Variants in DYNC1LI2 observed in about 807,000 individuals in gnomAD.
The protein encoded by DYNC1LI2 is cytoplasmic dynein 1 light intermediate chain 2.
Under a neutral mutation model 57.8 loss-of-function variants are expected in DYNC1LI2, and 19 were observed. The ratio of observed to expected loss-of-function variants is 0.33; its 90% confidence interval spans 0.23 to 0.48. The LOEUF (loss-of-function observed/expected upper bound fraction) is 0.48, where lower values mean the gene tolerates loss of function less well. DYNC1LI2 is among the 20% of genes least tolerant of loss of function. The pLI, the probability that DYNC1LI2 is intolerant of heterozygous loss-of-function variation, is 0.99. For synonymous variants in DYNC1LI2, 256 were observed against 233.4 expected (o/e 1.10, Z -0.88); for missense variants, 470 against 604.2 (o/e 0.78, Z 2.33).
chr16:66,724,638 C>T (rs1481374327), intron 12 of DYNC1LI2: 1 of 152,170 alleles, frequency 6.6e-6, no homozygotes, highest in Non-Finnish European at 1.5e-5. Context: ...TTTCAGAGAT[C>T]TCCAAGACAT....
chr16:66,737,975 CTTTT>C (rs1414516463), intron 4 of DYNC1LI2, among the ~76,000 whole-genome samples: 2 of 152,242 alleles, frequency 1.3e-5, no homozygotes, highest in East Asian at 3.9e-4. Context: ...GATCAAAGGC[CTTTT>C]ACTCTCACCA....
chr16:66,730,941 G>A (rs1162863849), intron 7 of DYNC1LI2: 9 of 152,256 alleles, frequency 5.9e-5, no homozygotes, highest in African/African-American at 1.4e-4. Context: ...TTGAACTCGA[G>A]CAGCTCTGAA....
At chr16:66,750,755 A>C (rs1755397612) in intron 2 of DYNC1LI2, among the ~76,000 whole-genome samples, 1 of 152,100 alleles carries the variant, frequency 6.6e-6, no homozygotes, top group Non-Finnish European at 1.5e-5. Flanking sequence ...GTGAGGCCAG[A>C]GGGAGTAAGG....
chr16:66,725,605 A>T (rs1051213461), intron 12 of DYNC1LI2, among the ~76,000 whole-genome samples: 1 of 152,218 alleles, frequency 6.6e-6, no homozygotes, highest in Non-Finnish European at 1.5e-5. Context: ...GTTCCCGAGA[A>T]CCCAAATGTA....
chr16:66,743,821 AATC>A (rs2017884947), intron 3 of DYNC1LI2, among the ~76,000 whole-genome samples: 1 of 152,200 alleles, frequency 6.6e-6, no homozygotes, highest in Non-Finnish European at 1.5e-5. Context: ...GTGAAGATAA[AATC>A]ATCACTTACA....
chr16:66,727,091 A>G (rs1255832496), intron 11 of DYNC1LI2, among the ~76,000 whole-genome samples: 2 of 151,982 alleles, frequency 1.3e-5, no homozygotes, highest in Non-Finnish European at 2.9e-5. Flanking sequence ...CTAATTTTTC[A>G]ATATTCTGTA....
intron 5 of DYNC1LI2, 90 bp downstream of exon 5, chr16:66,735,984 TG>T (rs1367297944): frequency 6.0e-6 from 9 of 1,511,930 alleles, no homozygotes; most frequent in Non-Finnish European, 8.0e-6. Flanking sequence ...AAGTCTCCCT[TG>T]GGAAAAAAAC....
At position 66,721,083 on chromosome 16, in the gene DYNC1LI2, A is replaced by G. The variant is rs1333382964; in HGVS notation, c.*2639T>C. On this transcript the variant is annotated 3_prime_UTR_variant, in exon 13 of 13. Coordinates refer to ENST00000258198, the MANE Select transcript of DYNC1LI2 (RefSeq NM_006141.3). ...AGAAACACCAATAAATTTAGTATAC[A>G]GACGACAGTGAACTTTCACTTACAG... 2.0e-5 allele frequency: 3 copies of G among 152,784 alleles called. No individual in the cohort carries two copies. The East Asian group carries it at 5.8e-4, about 29-fold the overall frequency. 9.5% of individuals were successfully genotyped at this position (152,784 alleles called of 1,614,324 possible).
intron 8 of DYNC1LI2, 142 bp downstream of exon 8, chr16:66,729,970 G>A (rs1188055232): frequency 1.1e-5 from 6 of 567,650 alleles, no homozygotes; most frequent in Non-Finnish European, 1.8e-5. Context: ...TAGTGGAGAT[G>A]GGGTTTTGCC....
chr16:66,749,446 T>C (rs746496863), intron 2 of DYNC1LI2, 133 bp from the exon 3 acceptor site: 40 of 879,818 alleles, frequency 4.5e-5, no homozygotes, highest in Non-Finnish European at 6.7e-5. Context: ...CCTGCTTTCA[T>C]AAACAAAGGA....
Position 66,742,670 on chromosome 16 carries a change from TGAGAA to T in DYNC1LI2, c.299-7_299-3del. On this transcript the variant is annotated splice_region_variant and splice_polypyrimidine_tract_variant and intron_variant, in intron 3 of 12. Transcript: ENST00000258198. The stretch of plus-strand genomic sequence containing the variant: ...TCCACACGTTGCAGCGCGTGTGATC[TGAGAA>T]AACAAGTGAATGAAGCTAGTTACCA... 1 of 1,613,714 alleles carries T rather than the reference TGAGAA, an allele frequency of 6.2e-7. No individual in the cohort carries two copies. The highest frequency in any genetic ancestry group is 8.5e-7 in the Non-Finnish European group (1 of 1,179,756).
chr16:66,748,463 G>T (rs2017980475), intron 3 of DYNC1LI2, among the ~76,000 whole-genome samples: 1 of 152,088 alleles, frequency 6.6e-6, no homozygotes, highest in African/African-American at 2.4e-5. Context: ...ATCCTAAGCA[G>T]TAACTATTAC....
chr16:66,739,175 G>C (rs2017792893), intron 4 of DYNC1LI2: 1 of 152,178 alleles, frequency 6.6e-6, no homozygotes, highest in African/African-American at 2.4e-5. Flanking sequence ...GGGCTTCCCA[G>C]ACAGTGAGAA....
Position 66,728,993 on chromosome 16 carries a change from T to C in DYNC1LI2, c.1101+47A>G, listed in dbSNP as rs1193847443. ...CCCAACCCCACCCTAGGGACTGGCA[T>C]TTCATGCATGAGAAGGCCTCTGTTC... On this transcript the variant is annotated intron_variant, in intron 9 of 12. Coordinates refer to ENST00000258198, the MANE Select transcript of DYNC1LI2 (RefSeq NM_006141.3). 3.1e-6 allele frequency: 5 copies of C among 1,605,774 alleles called. No homozygotes were observed. The Admixed American group carries it at 6.7e-5, about 21-fold the overall frequency.
Position 66,751,075 on chromosome 16 carries a change from G to A in DYNC1LI2, c.181+198C>T, listed in dbSNP as rs1478025982. The stretch of plus-strand genomic sequence containing the variant: ...GCCGACAACCCCAAAGCACCACTAC[G>A]CTCTCCAAAGAGGGCAGCATCCCAC... On this transcript the variant is annotated intron_variant, in intron 2 of 12. Transcript: ENST00000258198. This position sits in a 1 kb window ranked among gnomAD's most constrained non-coding sequence, Gnocchi z 5.2. Among the ~76,000 whole-genome samples, 1 of 152,162 alleles carries A rather than the reference G, an allele frequency of 6.6e-6. No individual in the cohort carries two copies. Among genetic ancestry groups the A allele is most frequent in the African/African-American group, 2.4e-5 (1 of 41,438 alleles).
intron 6 of DYNC1LI2, 65 bp downstream of exon 6, chr16:66,734,153 C>A: frequency 6.6e-7 from 1 of 1,514,760 alleles, no homozygotes; most frequent in Non-Finnish European, 9.1e-7. Context: ...TGCTTTATCT[C>A]TTTGAAGATG....
In DYNC1LI2 at chr16:66,725,959, A is replaced by C. The variant is rs199572341; in HGVS notation, c.1262-15T>G. 1.1e-4 allele frequency: 175 copies of C among 1,605,438 alleles called. No individual in the cohort carries two copies. The highest frequency in any genetic ancestry group is 8.7e-5 in the Admixed American group (5 of 57,360). ...TGCTGCATTATCTAAGGAAAATTAA[A>C]GAGAAAAAAAAGCATCATATAAACT... On this transcript the variant is annotated splice_polypyrimidine_tract_variant and intron_variant, in intron 11 of 12. Coordinates refer to ENST00000258198, the MANE Select transcript of DYNC1LI2 (RefSeq NM_006141.3).
intron 3 of DYNC1LI2, among the ~76,000 whole-genome samples, chr16:66,747,150 G>T (rs1283625224): frequency 6.6e-6 from 1 of 150,624 alleles, no homozygotes; most frequent in Non-Finnish European, 1.5e-5. Flanking sequence ...CACAATCTCG[G>T]TCACCGCAAC....
chr16:66,743,136 T>G (rs2017870237), intron 3 of DYNC1LI2, among the ~76,000 whole-genome samples: 2 of 151,904 alleles, frequency 1.3e-5, no homozygotes, highest in Non-Finnish European at 2.9e-5. Context: ...CACTCCAGCC[T>G]GGGCAACAGA....
Sources: allele counts gnomAD v4.1 joint callset (sites outside exome capture counted in the v4.1 genomes callset), GRCh38; gene constraint gnomAD v4.1.1; non-coding constraint Gnocchi (gnomAD v3.1); transcripts MANE v1.5; gene names NCBI Gene and HGNC (gene_info 2026-07-23, HGNC 2026-07-21).